The following G2E3 variants were observed in gnomAD, a reference collection of about 807,000 sequenced individuals.
The protein encoded by G2E3 is G2/M phase-specific E3 ubiquitin-protein ligase.
In G2E3, 35 loss-of-function variants were observed where a neutral mutation model predicts 92.8. The observed-to-expected ratio is 0.38, with a 90% confidence interval of 0.29 to 0.50. G2E3 has a LOEUF of 0.50. G2E3 is among the 20% of genes least tolerant of loss of function. The pLI is 0.94. For synonymous variants in G2E3, 242 were observed against 272.4 expected (o/e 0.89, Z 1.10); for missense variants, 554 against 823.8 (o/e 0.67, Z 4.01).
At chr14:30,594,901 G>A (rs1325067775) in intron 6 of G2E3, among the ~76,000 whole-genome samples, 2 of 151,444 alleles carry the variant, frequency 1.3e-5, no homozygotes. Context: ...GGCCGAGGAG[G>A]GCGGATCACC....
At chr14:30,559,980 T>G (rs1330788732) in intron 1 of G2E3, 4 of 152,138 alleles carry the variant, frequency 2.6e-5, no homozygotes, top group African/African-American at 2.4e-5. Context: ...ACAATAGGGA[T>G]AAGGTTTAGT....
intron 8 of G2E3, among the ~76,000 whole-genome samples, chr14:30,599,546 C>T (rs1881462087): frequency 3.3e-5 from 5 of 152,102 alleles, no homozygotes; most frequent in African/African-American, 9.6e-5. Context: ...TCTTAAAAGG[C>T]CTTATCTCCA....
chr14:30,592,586 C>A, intron 5 of G2E3, 139 bp downstream of exon 5: 1 of 590,232 alleles, frequency 1.7e-6, no homozygotes, highest in Non-Finnish European at 2.8e-6. Context: ...TATTACCCTC[C>A]CGCCCACCCT....
intron 1 of G2E3, chr14:30,560,776 A>C: frequency 1.4e-6 from 1 of 702,182 alleles, no homozygotes. Flanking sequence ...CCTGCACTTC[A>C]GATCTCAGAT....
intron 6 of G2E3, among the ~76,000 whole-genome samples, chr14:30,596,612 T>C (rs919318488): frequency 7.2e-5 from 11 of 152,312 alleles, no homozygotes; most frequent in Admixed American, 1.3e-4. Context: ...CCCTCTGACA[T>C]AATTATCAGT....
chr14:30,566,411 AT>A (rs2138768120), intron 1 of G2E3, among the ~76,000 whole-genome samples: 1 of 152,274 alleles, frequency 6.6e-6, no homozygotes, highest in Non-Finnish European at 1.5e-5. Flanking sequence ...CAGTTCTTTA[AT>A]TTCTTTCAGC....
At chr14:30,598,374 A>T in intron 7 of G2E3, 109 bp from the exon 8 acceptor site, 1 of 721,028 alleles carries the variant, frequency 1.4e-6, no homozygotes, top group South Asian at 1.6e-5. Flanking sequence ...GCGAAAGAGC[A>T]AGACTGCGTC....
At chr14:30,568,946 GT>G (rs1879598070) in intron 1 of G2E3, among the ~76,000 whole-genome samples, 1 of 151,974 alleles carries the variant, frequency 6.6e-6, no homozygotes, top group East Asian at 1.9e-4. Context: ...AGCATCTCTA[GT>G]AGGACAGATC....
chr14:30,601,894 GGTAATTTTTTT>G lies in G2E3; in HGVS notation c.877+9_877+19del. On this transcript the variant is annotated splice_donor_variant and splice_donor_5th_base_variant and intron_variant, in intron 9 of 14. Coordinates refer to ENST00000206595, the MANE Select transcript of G2E3 (RefSeq NM_017769.5). LOFTEE classifies it high-confidence loss of function. ...ATGTAGGGGTATTATCTACAATTCAGGTAATTTTTTTGTAATTTTGAATAAAGTTTTTATTC... is the reference window on the plus strand; with the variant it reads ...ATGTAGGGGTATTATCTACAATTCAGGTAATTTTGAATAAAGTTTTTATTC... The G allele has an allele frequency of 6.2e-7, 1 of 1,611,888 alleles. No homozygotes were observed. Among genetic ancestry groups the G allele is most frequent in the Non-Finnish European group, 8.5e-7 (1 of 1,179,072 alleles).
intron 4 of G2E3, among the ~76,000 whole-genome samples, chr14:30,591,910 T>C (rs966935946): frequency 6.6e-6 from 1 of 152,148 alleles, no homozygotes; most frequent in African/African-American, 2.4e-5. Flanking sequence ...TCTTAGCCTT[T>C]TTTACAAATT....
Position 30,615,380 on chromosome 14 carries a change from T to C in G2E3, c.1705T>C (p.Leu569=). 1 of 1,600,898 alleles carries C rather than the reference T, an allele frequency of 6.2e-7. No homozygotes were observed. Among genetic ancestry groups the C allele is most frequent in the South Asian group, 1.1e-5 (1 of 88,648 alleles). The part of the protein sequence containing the change: ...FKQGLKTLGV[L]EKIQAYPEAF... ...GCAGGGTCTGAAAACCCTTGGTGTT[T>C]TGGAGAAAATTCAGGCTTATCCAGA... is the stretch of plus-strand genomic sequence containing the variant. The change falls in exon 14 of 15, where the codon TTG becomes CTG. Residue 569 remains leucine (L), a synonymous_variant. Transcript: ENST00000206595.
intron 10 of G2E3, among the ~76,000 whole-genome samples, chr14:30,603,549 A>G (rs1191321915): frequency 1.3e-5 from 2 of 152,270 alleles, no homozygotes; most frequent in South Asian, 4.1e-4. Context: ...TTCTTGTTAA[A>G]AATAATTTCA....
At chr14:30,605,422 C>G (rs1297058657) in intron 10 of G2E3, 83 bp from the exon 11 acceptor site, 1 of 512,678 alleles carries the variant, frequency 2.0e-6, no homozygotes, top group Non-Finnish European at 3.4e-6. Context: ...TTCCCCTCGT[C>G]TTGTTTTATT....
At chr14:30,560,173 A>G (rs572585828) in intron 1 of G2E3, 1 of 151,906 alleles carries the variant, frequency 6.6e-6, no homozygotes, top group South Asian at 2.1e-4. Context: ...CTAACCCAGT[A>G]GTAAAGTCAT....
chr14:30,563,965 C>T (rs374664817), intron 1 of G2E3, among the ~76,000 whole-genome samples: 62 of 152,144 alleles, frequency 4.1e-4, no homozygotes, highest in Non-Finnish European at 1.6e-4. Flanking sequence ...GGGATCTGCC[C>T]GCTTCAGCCT....
At chr14:30,599,868 T>G (rs1314324025) in intron 8 of G2E3, among the ~76,000 whole-genome samples, 1 of 152,200 alleles carries the variant, frequency 6.6e-6, no homozygotes, top group Admixed American at 6.5e-5. Flanking sequence ...GAGGGTAATT[T>G]AACTAGATTC....
rs201506583 is a variant in G2E3 at position 30,586,789 on chromosome 14, A to G, written c.109A>G (p.Asn37Asp). 19 of 1,371,706 alleles carry G rather than the reference A, an allele frequency of 1.4e-5. 1 individual carries two copies. Among genetic ancestry groups the G allele is most frequent in the Middle Eastern group, 1.9e-4 (1 of 5,246 alleles). The allele number at this position is 1,371,706 out of a possible 1,614,324, so 85.0% of individuals were successfully genotyped here. The part of the protein sequence containing the change: ...YGEKKTKEKW[N>D]LTVHYYCLLM... ...AGAAAAGAAAACTAAGGAGAAATGG[A>G]ATCTCACTGTACATTACTACTGTTT... The change falls in exon 3 of 15, where the codon AAT becomes GAT. Residue 37 changes from asparagine to aspartate, a missense_variant. Asn to Asp is a conservative substitution (Grantham distance 23). Coordinates refer to ENST00000206595, the MANE Select transcript of G2E3 (RefSeq NM_017769.5).
intron 1 of G2E3, chr14:30,560,729 T>C: frequency 1.4e-6 from 1 of 692,326 alleles, no homozygotes; most frequent in Non-Finnish European, 2.6e-6. Context: ...TTATTGTGTA[T>C]ACACTACCTT....
intron 7 of G2E3, among the ~76,000 whole-genome samples, chr14:30,597,916 A>G (rs1275459136): frequency 6.6e-6 from 1 of 152,184 alleles, no homozygotes; most frequent in Non-Finnish European, 1.5e-5. Flanking sequence ...AAAAATCGAA[A>G]GTGAAATATT....
Sources: allele counts gnomAD v4.1 joint callset (sites outside exome capture counted in the v4.1 genomes callset), GRCh38; gene constraint gnomAD v4.1.1; transcripts MANE v1.5; gene names NCBI Gene and HGNC (gene_info 2026-07-23, HGNC 2026-07-21).